The following ABCB5 variants were observed in gnomAD, a reference collection of about 807,000 sequenced individuals.
The protein encoded by ABCB5 is ATP-binding cassette sub-family B member 5.
ABCB5 carries 155 observed loss-of-function variants against 144.2 expected under a neutral mutation model. That is an observed-to-expected ratio of 1.08 (90% CI 0.94 to 1.23). The LOEUF (loss-of-function observed/expected upper bound fraction) is 1.23. ABCB5 is among the 50% of genes most tolerant of loss of function. The pLI is 0.00. For synonymous variants in ABCB5, 610 were observed against 528.6 expected, an observed-to-expected ratio of 1.15 and a Z score of -2.11; for missense variants, 1,830 against 1,520.8, an observed-to-expected ratio of 1.20 and a Z score of -3.38.
intron 14 of ABCB5, chr7:20,659,999 T>A: frequency 1.0e-6 from 1 of 985,528 alleles, no homozygotes; most frequent in Non-Finnish European, 1.2e-6. Flanking sequence ...CATAAGATTT[T>A]AAAAAATGTA....
At chr7:20,666,761 A>G in intron 14 of ABCB5, 2 of 1,598,450 alleles carry the variant, frequency 1.3e-6, no homozygotes, top group Non-Finnish European at 1.7e-6. Context: ...TTTTCTAGAA[A>G]AAATAATACA....
chr7:20,639,022 G>C (rs568405953), intron 5 of ABCB5, among the ~76,000 whole-genome samples: 1 of 150,976 alleles, frequency 6.6e-6, no homozygotes, highest in East Asian at 1.9e-4. Flanking sequence ...ATCAACACTT[G>C]TTATTGTCTG....
chr7:20,680,117 A>G (rs1785739970), intron 14 of ABCB5, among the ~76,000 whole-genome samples: 1 of 152,250 alleles, frequency 6.6e-6, no homozygotes, highest in South Asian at 2.1e-4. Flanking sequence ...CAAATGGATG[A>G]ATCTCAAAAA....
intron 22 of ABCB5, among the ~76,000 whole-genome samples, chr7:20,728,035 C>T (rs910394716): frequency 7.9e-5 from 12 of 152,284 alleles, no homozygotes; most frequent in Admixed American, 4.6e-4. Flanking sequence ...CATCCTTTCA[C>T]GGGCTTTGCC....
chr7:20,655,097 GAGAAA>G (rs764460048), intron 13 of ABCB5, among the ~76,000 whole-genome samples: 17,710 of 151,164 alleles, frequency 0.12, 1,253 homozygotes, highest in African/African-American at 0.18. Context: ...GAGAGAGAGA[GAGAAA>G]AGAGATGGCC....
intron 20 of ABCB5, among the ~76,000 whole-genome samples, chr7:20,719,348 A>AAT (rs1251683037): frequency 1.3e-5 from 2 of 152,194 alleles, no homozygotes; most frequent in Non-Finnish European, 2.9e-5. Flanking sequence ...AAAGTTATAA[A>AAT]GATAATTCTA....
intron 21 of ABCB5, among the ~76,000 whole-genome samples, chr7:20,724,751 G>T (rs10950831): frequency 0.45 from 68,361 of 151,692 alleles, 17,245 homozygotes; most frequent in East Asian, 0.73. Flanking sequence ...CTGTATCACG[G>T]TGAATGTGTC....
chr7:20,704,169 A>G (rs1329885038), intron 19 of ABCB5, among the ~76,000 whole-genome samples: 3 of 144,206 alleles, frequency 2.1e-5, no homozygotes, highest in African/African-American at 7.9e-5. Flanking sequence ...TCTGCCTCCC[A>G]GGCTCAAGCA....
At chr7:20,738,003 A>C (rs1782443250) in intron 23 of ABCB5, among the ~76,000 whole-genome samples, 1 of 152,198 alleles carries the variant, frequency 6.6e-6, no homozygotes, top group South Asian at 2.1e-4. Context: ...AGGTCACTGA[A>C]GAGATTGCAT....
intron 5 of ABCB5, among the ~76,000 whole-genome samples, chr7:20,633,963 T>C (rs546051740): frequency 1.3e-5 from 2 of 152,194 alleles, no homozygotes; most frequent in South Asian, 4.1e-4. Flanking sequence ...TGTGTAGCCA[T>C]GACCCAAATA....
At chr7:20,753,248 C>T (rs754501560) in intron 26 of ABCB5, 112 bp from the exon 27 acceptor site, 13 of 1,353,300 alleles carry the variant, frequency 9.6e-6, no homozygotes, top group South Asian at 1.5e-5. Flanking sequence ...TGTTGGGACA[C>T]AAATTTTCAA....
chr7:20,716,253 T>C (rs1395182113), intron 20 of ABCB5, among the ~76,000 whole-genome samples: 5 of 152,170 alleles, frequency 3.3e-5, no homozygotes, highest in Admixed American at 6.6e-5. Context: ...TGGAAATTAA[T>C]ACATGTATCA....
rs1052994220 is a variant in ABCB5, at chr7:20,700,645, C to T, written c.2337+510C>T. Among the ~76,000 whole-genome samples, 54 of 152,166 alleles carry T rather than the reference C, an allele frequency of 3.5e-4. 1 individual carries two copies. Among genetic ancestry groups the T allele is most frequent in the African/African-American group, 1.3e-3 (52 of 41,442 alleles). On this transcript the variant is annotated intron_variant, in intron 19 of 27. Transcript: ENST00000404938. ...CTAGCTGCCAGGTCTGCCTGCCTCA[C>T]GCAGATGATCAGTCCCCGCTGTGAA...
At chr7:20,688,954 C>T (rs545598548) in intron 16 of ABCB5, among the ~76,000 whole-genome samples, 40 of 151,552 alleles carry the variant, frequency 2.6e-4, no homozygotes, top group Non-Finnish European at 5.2e-4. Context: ...ACATCACACA[C>T]CAGGGTCTGT....
Position 20,697,334 on chromosome 7 carries a change from A to T in ABCB5, c.2011-1073A>T, listed in dbSNP as rs114854568. On this transcript the variant is annotated intron_variant, in intron 16 of 27. Transcript: ENST00000404938. ...GAATTATAAACTATTTTATAGTCTT[A>T]CTTGAAGAATTCTCTGGTTATTAGG... is the stretch of plus-strand genomic sequence containing the variant. 7.1e-3 allele frequency among the ~76,000 whole-genome samples: 1,077 copies of T among 152,332 alleles called. 13 individuals carry two copies. The highest frequency in any genetic ancestry group is 0.024 in the African/African-American group (984 of 41,584).
chr7:20,665,724 A>AAGATAGAT (rs35101575), intron 14 of ABCB5, among the ~76,000 whole-genome samples: 9,283 of 134,136 alleles, frequency 0.069, 716 homozygotes, highest in African/African-American at 0.17. Flanking sequence ...TAGAGATGGA[A>AAGATAGAT]AGATAGATAG....
chr7:20,694,850 A>G (rs1786353797), intron 16 of ABCB5, among the ~76,000 whole-genome samples: 1 of 152,084 alleles, frequency 6.6e-6, no homozygotes, highest in Admixed American at 6.6e-5. Context: ...GTACAATAGT[A>G]CCAAAATATT....
At chr7:20,744,908 T>C (rs1231522028) in intron 25 of ABCB5, among the ~76,000 whole-genome samples, 1 of 152,140 alleles carries the variant, frequency 6.6e-6, no homozygotes, top group Non-Finnish European at 1.5e-5. Flanking sequence ...GTTAAGAGTG[T>C]TGTTATTTAT....
intron 7 of ABCB5, 31 bp from the exon 8 acceptor site, chr7:20,645,725 A>AT (rs1490376834): frequency 1.9e-6 from 3 of 1,611,998 alleles, no homozygotes; most frequent in South Asian, 2.2e-5. Flanking sequence ...ACACAGAGTC[A>AT]TTTTTTAACT....
Sources: allele counts gnomAD v4.1 joint callset (sites outside exome capture counted in the v4.1 genomes callset), GRCh38; gene constraint gnomAD v4.1.1; transcripts MANE v1.5; gene names NCBI Gene and HGNC (gene_info 2026-07-23, HGNC 2026-07-21).